PCDH15: variants seen among roughly 807,000 people sequenced by gnomAD.
PCDH15 encodes protocadherin-15.
PCDH15 carries 129 observed loss-of-function variants against 178.5 expected under a neutral mutation model. The ratio of observed to expected loss-of-function variants is 0.72; its 90% CI spans 0.63 to 0.84. PCDH15 has a LOEUF of 0.84. Among genes scored for constraint, PCDH15 ranks in the 40% least tolerant of loss-of-function variants. The pLI is 0.00. For synonymous variants in PCDH15, 800 were observed against 732.0 expected (o/e 1.09, Z -1.50); for missense variants, 2,230 against 2,099.9 (o/e 1.06, Z -1.21).
intron 33 of PCDH15, 82 bp from the exon 34 acceptor site, chr10:53,818,095 T>TA (rs1045157987): frequency 3.0e-5 from 12 of 396,494 alleles, no homozygotes; most frequent in Non-Finnish European, 4.4e-5. Context: ...ATAAGGGCTT[T>TA]AAAAAATGTC....
chr10:54,518,271 G>A (rs1443010493), intron 3 of PCDH15, among the ~76,000 whole-genome samples: 6 of 152,092 alleles, frequency 3.9e-5, no homozygotes, highest in Non-Finnish European at 5.9e-5. Context: ...ATGAATCCAA[G>A]AGCTGGTTTT....
chr10:54,416,378 T>A (rs893810667), intron 3 of PCDH15, among the ~76,000 whole-genome samples: 2 of 151,964 alleles, frequency 1.3e-5, no homozygotes, highest in African/African-American at 2.4e-5. Flanking sequence ...ATGCAGTGTT[T>A]GGTTTTCTGT....
intron 18 of PCDH15, among the ~76,000 whole-genome samples, chr10:54,030,569 T>TA (rs2093264075): frequency 1.3e-5 from 2 of 152,052 alleles, no homozygotes; most frequent in Non-Finnish European, 2.9e-5. Flanking sequence ...TTAAAATCAC[T>TA]AAAAACATAA....
At chr10:55,339,330 A>G (rs1426696839) in intron 2 of PCDH15, among the ~76,000 whole-genome samples, 1 of 151,952 alleles carries the variant, frequency 6.6e-6, no homozygotes, top group Non-Finnish European at 1.5e-5. Flanking sequence ...ATTTACTACA[A>G]TGAGGACATT....
chr10:55,467,782 G>C (rs1033168974), intron 2 of PCDH15, among the ~76,000 whole-genome samples: 1 of 151,464 alleles, frequency 6.6e-6, no homozygotes, highest in African/African-American at 2.4e-5. Flanking sequence ...TCGCTGACAG[G>C]GTGAAACCCC....
intron 3 of PCDH15, among the ~76,000 whole-genome samples, chr10:54,828,522 C>A (rs1307565699): frequency 2.6e-5 from 4 of 151,618 alleles, no homozygotes; most frequent in African/African-American, 9.7e-5. Context: ...TATATTTTTT[C>A]TCCCAGGAAA....
intron 3 of PCDH15, among the ~76,000 whole-genome samples, chr10:54,850,377 T>C (rs979146979): frequency 6.6e-6 from 1 of 152,130 alleles, no homozygotes; most frequent in Non-Finnish European, 1.5e-5. Flanking sequence ...GAGATTTTGG[T>C]GTACCCATCA....
intron 3 of PCDH15, among the ~76,000 whole-genome samples, chr10:54,876,954 G>T (rs1954156063): frequency 6.6e-6 from 1 of 152,108 alleles, no homozygotes; most frequent in Non-Finnish European, 1.5e-5. Context: ...ATGCTACCAA[G>T]AAATATTTTT....
chr10:55,110,051 T>G (rs1837458280), intron 2 of PCDH15, among the ~76,000 whole-genome samples: 2 of 150,080 alleles, frequency 1.3e-5, no homozygotes, highest in South Asian at 4.1e-4. Flanking sequence ...TAGTTACTAT[T>G]GATTTTTAAT....
chr10:54,559,850 T>TAA (rs80250003), intron 2 of PCDH15, among the ~76,000 whole-genome samples: 1,535 of 72,988 alleles, frequency 0.021, 49 homozygotes, highest in African/African-American at 0.064. Flanking sequence ...TGTCTTATAG[T>TAA]AAAAAAAAAA....
rs575188056 is a variant in PCDH15 at position 53,827,252 on chromosome 10, T to C, written c.4367+141A>G. ...CTTAACCTTTCTTAGATTTTCGTCT[T>C]AACAAATTTTCTCTTGAAAATAATA... is the stretch of plus-strand genomic sequence containing the variant. On this transcript the variant is annotated intron_variant, in intron 32 of 37. Transcript: ENST00000644397. 4 of 1,249,316 alleles carry C rather than the reference T, an allele frequency of 3.2e-6. No homozygotes were observed. The African/African-American group carries it at 4.6e-5, about 14-fold the overall frequency. 77.4% of individuals were successfully genotyped at this position (1,249,316 alleles called of 1,614,324 possible).
intron 15 of PCDH15, among the ~76,000 whole-genome samples, chr10:54,108,390 A>G (rs1448164833): frequency 6.6e-6 from 1 of 152,180 alleles, no homozygotes; most frequent in East Asian, 1.9e-4. Context: ...CACAGCAGAA[A>G]GCAAAACCAG....
intron 2 of PCDH15, among the ~76,000 whole-genome samples, chr10:54,968,686 C>A (rs1426869321): frequency 2.6e-5 from 4 of 152,042 alleles, no homozygotes; most frequent in Non-Finnish European, 5.9e-5. Context: ...TCTGTCGAAT[C>A]TGGAAATTTG....
At chr10:55,459,906 A>G (rs1165279370) in intron 2 of PCDH15, among the ~76,000 whole-genome samples, 1 of 152,056 alleles carries the variant, frequency 6.6e-6, no homozygotes, top group East Asian at 1.9e-4. Context: ...AAAATTATTA[A>G]AGAATAATTG....
intron 2 of PCDH15, chr10:54,600,285 G>C (rs1422624219): frequency 1.8e-6 from 1 of 543,536 alleles, no homozygotes; most frequent in Non-Finnish European, 3.5e-6. Context: ...TGGGGAATGA[G>C]AAGGAAGGGA....
chr10:54,090,688 A>G (rs1425285350), intron 15 of PCDH15, among the ~76,000 whole-genome samples: 1 of 150,898 alleles, frequency 6.6e-6, no homozygotes, highest in African/African-American at 2.4e-5. Flanking sequence ...TACAGTGTCG[A>G]TAAAGTGTTT....
At chr10:53,882,240 T>A (rs904022569) in intron 26 of PCDH15, among the ~76,000 whole-genome samples, 3 of 152,138 alleles carry the variant, frequency 2.0e-5, no homozygotes, top group African/African-American at 7.2e-5. Flanking sequence ...ATGTTTCTCA[T>A]TCACTTGATA....
intron 1 of PCDH15, among the ~76,000 whole-genome samples, chr10:55,253,628 T>C (rs1841906840): frequency 6.6e-6 from 1 of 152,118 alleles, no homozygotes; most frequent in Non-Finnish European, 1.5e-5. Flanking sequence ...TTTTTTGTTC[T>C]AGGAGAATTT....
At chr10:54,043,027 C>T (rs2093581906) in intron 18 of PCDH15, among the ~76,000 whole-genome samples, 1 of 152,080 alleles carries the variant, frequency 6.6e-6, no homozygotes, top group African/African-American at 2.4e-5. Flanking sequence ...AGCCAAATGG[C>T]ATGCTTACTG....
Sources: allele counts gnomAD v4.1 joint callset (sites outside exome capture counted in the v4.1 genomes callset), GRCh38; gene constraint gnomAD v4.1.1; transcripts MANE v1.5; gene names NCBI Gene and HGNC (gene_info 2026-07-23, HGNC 2026-07-21).